The following EPHB1 variants were observed in gnomAD, a reference collection of about 807,000 sequenced individuals.
The protein encoded by EPHB1 is ephrin type-B receptor 1.
In EPHB1, 30 loss-of-function variants were observed where a neutral mutation model predicts 94.4. The ratio of observed to expected loss-of-function variants is 0.32; its 90% CI spans 0.24 to 0.43. The LOEUF (loss-of-function observed/expected upper bound fraction) is 0.43, where lower values mean the gene tolerates loss of function less well. Ranked by LOEUF, EPHB1 falls within the 20% of genes least tolerant of loss-of-function variation. The pLI is 1.00. For missense variants in EPHB1, 1,055 were observed against 1,308.3 expected (o/e 0.81, Z 2.99); for synonymous variants, 522 against 489.1 (o/e 1.07, Z -0.89).
At chr3:134,985,080 T>A (rs917482048) in intron 3 of EPHB1, among the ~76,000 whole-genome samples, 1 of 152,154 alleles carries the variant, frequency 6.6e-6, no homozygotes, top group African/African-American at 2.4e-5. Context: ...AGTTCCTGAC[T>A]CTTGGTTTCT....
At chr3:134,923,864 G>T (rs1226253917) in intron 1 of EPHB1, among the ~76,000 whole-genome samples, 2 of 152,156 alleles carry the variant, frequency 1.3e-5, no homozygotes, top group Non-Finnish European at 2.9e-5. Flanking sequence ...TTATGGGAAG[G>T]GGAGGCAGTG....
intron 1 of EPHB1, among the ~76,000 whole-genome samples, chr3:134,808,435 A>T (rs796132030): frequency 5.3e-5 from 8 of 152,228 alleles, no homozygotes; most frequent in African/African-American, 1.9e-4. Flanking sequence ...CTGGCCTGAG[A>T]TAGGGGAGAG....
chr3:134,797,080 C>T (rs1381463191), intron 1 of EPHB1, among the ~76,000 whole-genome samples: 1 of 152,236 alleles, frequency 6.6e-6, no homozygotes, highest in Non-Finnish European at 1.5e-5. Flanking sequence ...CACGTTTGTT[C>T]TGGTGGCGGC....
Position 135,182,986 on chromosome 3 carries a change from CTTTCT to C in EPHB1, c.1882+3047_1882+3051del, listed in dbSNP as rs755058104. On this transcript the variant is annotated intron_variant, in intron 10 of 15. Transcript: ENST00000398015. ...TTCTTTTCTCTTTTCTTTTCTTTTG[CTTTCT>C]TTTCTTTTCTTTTCTTTTCTTTTCT... 7.4e-3 allele frequency among the ~76,000 whole-genome samples: 813 copies of C among 110,572 alleles called. 14 individuals are homozygous for C. Among genetic ancestry groups the C allele is most frequent in the African/African-American group, 0.015 (474 of 32,368 alleles). 72.5% of individuals were successfully genotyped at this position (110,572 alleles called of 152,430 possible). A position where few individuals can be genotyped will look rare whatever the true frequency, so the allele number is the denominator to read the frequency against.
chr3:135,178,322 G>T (rs1942050667), intron 9 of EPHB1, among the ~76,000 whole-genome samples: 1 of 151,772 alleles, frequency 6.6e-6, no homozygotes, highest in Non-Finnish European at 1.5e-5. Context: ...TAGGCGTGGT[G>T]GTGCATGCCT....
chr3:134,859,218 CT>C (rs1330908476), intron 1 of EPHB1, among the ~76,000 whole-genome samples: 1 of 152,194 alleles, frequency 6.6e-6, no homozygotes, highest in African/African-American at 2.4e-5. Flanking sequence ...ATTTTCTCTG[CT>C]CCTTGTCTCT....
intron 3 of EPHB1, among the ~76,000 whole-genome samples, chr3:135,042,314 T>C (rs1006410020): frequency 2.6e-5 from 4 of 152,194 alleles, no homozygotes; most frequent in African/African-American, 9.7e-5. Context: ...TAATCACCTC[T>C]CATTTGGCCC....
intron 2 of EPHB1, among the ~76,000 whole-genome samples, chr3:134,939,892 C>T (rs1234972756): frequency 2.6e-5 from 4 of 152,196 alleles, no homozygotes; most frequent in Non-Finnish European, 5.9e-5. Context: ...TAGCAGCCTC[C>T]CTCAACAGCA....
At chr3:135,020,237 T>A (rs1935942651) in intron 3 of EPHB1, among the ~76,000 whole-genome samples, 1 of 152,266 alleles carries the variant, frequency 6.6e-6, no homozygotes, top group Non-Finnish European at 1.5e-5. Flanking sequence ...TATTTGCCAT[T>A]AATTTTTTTA....
chr3:134,961,848 G>A (rs1319721700), intron 3 of EPHB1, among the ~76,000 whole-genome samples: 4 of 152,142 alleles, frequency 2.6e-5, no homozygotes, highest in African/African-American at 9.7e-5. Flanking sequence ...GAACAATGTT[G>A]CAACAGATAT....
At chr3:135,031,614 C>G (rs1320796301) in intron 3 of EPHB1, among the ~76,000 whole-genome samples, 3 of 152,210 alleles carry the variant, frequency 2.0e-5, no homozygotes, top group African/African-American at 7.2e-5. Context: ...CCAGCTGCAA[C>G]TATTTTTCAA....
chr3:135,098,355 T>C (rs941946211), intron 3 of EPHB1, among the ~76,000 whole-genome samples: 64 of 152,200 alleles, frequency 4.2e-4, no homozygotes, highest in African/African-American at 1.5e-3. Flanking sequence ...TGTGTGTGTG[T>C]GTGTGTATAA....
chr3:135,064,447 A>T (rs1057334542), intron 3 of EPHB1, among the ~76,000 whole-genome samples: 1 of 152,080 alleles, frequency 6.6e-6, no homozygotes, highest in Admixed American at 6.5e-5. Context: ...TTTTCCAGGA[A>T]TTTATCCATT....
intron 4 of EPHB1, among the ~76,000 whole-genome samples, chr3:135,114,133 C>T (rs867640633): frequency 6.6e-6 from 1 of 152,184 alleles, no homozygotes; most frequent in Non-Finnish European, 1.5e-5. Flanking sequence ...CTTATCAGTA[C>T]GATTTCAGAC....
At chr3:134,818,295 A>C (rs970633356) in intron 1 of EPHB1, among the ~76,000 whole-genome samples, 5 of 152,238 alleles carry the variant, frequency 3.3e-5, no homozygotes, top group African/African-American at 1.2e-4. Flanking sequence ...AGAGGCTGAC[A>C]GGCAGGCAGC....
Position 134,824,419 on chromosome 3 carries a change from G to C in EPHB1, c.58+28730G>C, listed in dbSNP as rs116011323. Reference sequence around the variant, plus strand: ...GGTTCCTAGGGTGTGGCACACAGCAGCACATCACTAACTGATGACAATACT... The same window carrying C: ...GGTTCCTAGGGTGTGGCACACAGCACCACATCACTAACTGATGACAATACT... On this transcript the variant is annotated intron_variant, in intron 1 of 15. Coordinates refer to ENST00000398015, the MANE Select transcript of EPHB1 (RefSeq NM_004441.5). Among the ~76,000 whole-genome samples, 364 of 152,244 alleles carry C rather than the reference G, an allele frequency of 2.4e-3. 1 individual carries two copies. The highest frequency in any genetic ancestry group is 8.2e-3 in the African/African-American group (339 of 41,538).
intron 1 of EPHB1, among the ~76,000 whole-genome samples, chr3:134,882,477 A>G (rs1019622932): frequency 3.3e-5 from 5 of 152,334 alleles, no homozygotes; most frequent in East Asian, 1.9e-4. Flanking sequence ...CATTGTATAT[A>G]AAAAAGAAAA....
At chr3:134,920,627 C>T (rs900647081) in intron 1 of EPHB1, among the ~76,000 whole-genome samples, 3 of 152,202 alleles carry the variant, frequency 2.0e-5, no homozygotes, top group Non-Finnish European at 4.4e-5. Context: ...ATTAATGTCT[C>T]TCCAAAAAGC....
intron 1 of EPHB1, among the ~76,000 whole-genome samples, chr3:134,895,303 C>T (rs2038067624): frequency 6.6e-6 from 1 of 152,198 alleles, no homozygotes; most frequent in East Asian, 1.9e-4. Context: ...TTTGCTGGCT[C>T]ACCAGATAAT....
Sources: gnomAD v4.1 joint callset for allele counts (sites outside exome capture counted in the v4.1 genomes callset) on GRCh38, gnomAD v4.1.1 for gene constraint, MANE v1.5 for transcripts, NCBI Gene and HGNC (gene_info 2026-07-23, HGNC 2026-07-21) for gene names.